Variants in TMEM131L observed in about 807,000 individuals in gnomAD.
The protein encoded by TMEM131L is transmembrane protein 131-like.
TMEM131L carries 54 observed loss-of-function variants against 192.2 expected under a neutral mutation model. The ratio of observed to expected loss-of-function variants is 0.28; its 90% CI spans 0.23 to 0.35. The LOEUF (loss-of-function observed/expected upper bound fraction) is 0.35, where lower values mean the gene tolerates loss of function less well. Ranked by LOEUF, TMEM131L falls within the 10% of genes least tolerant of loss-of-function variation. The pLI is 1.00. For synonymous variants in TMEM131L, 701 were observed against 704.9 expected, an observed-to-expected ratio of 0.99 and a Z score of 0.09; for missense variants, 1,888 against 1,972.9, an observed-to-expected ratio of 0.96 and a Z score of 0.82.
chr4:153,616,367 C>T (rs748202067), intron 26 of TMEM131L, among the ~76,000 whole-genome samples: 11 of 148,662 alleles, frequency 7.4e-5, no homozygotes, highest in South Asian at 2.1e-4. Context: ...GTTCATTTGG[C>T]GAAAATCATT....
rs982059904 is a variant in TMEM131L at position 153,489,803 on chromosome 4, A to G, written c.239+15915A>G. Among the ~76,000 whole-genome samples the G allele has an allele frequency of 2.0e-5, 3 of 151,896 alleles. No homozygotes were observed. The East Asian group carries it at 5.8e-4, about 29-fold the overall frequency. ...ATTTTTTTTTTTTCTTGCGGAAAAT[A>G]AGTGGGCAGATTTAATAATGAGCAA... On this transcript the variant is annotated intron_variant, in intron 3 of 34. Transcript: ENST00000409959.
chr4:153,505,323 G>T (rs1479333646), intron 3 of TMEM131L, among the ~76,000 whole-genome samples: 1 of 151,902 alleles, frequency 6.6e-6, no homozygotes, highest in Non-Finnish European at 1.5e-5. Flanking sequence ...GGCCAGGCTG[G>T]TCTCAAACTC....
Position 153,621,752 on chromosome 4 carries a change from C to A in TMEM131L, c.3762C>A (p.Ile1254=). Residue 1254 remains isoleucine, a synonymous_variant, in exon 28 of 35, where the codon ATC becomes ATA. Coordinates refer to ENST00000409959, the MANE Select transcript of TMEM131L (RefSeq NM_001131007.2). ...DFERSELSSD[I]NVRSWCIQES... ...AGAGGTCTGAGCTGAGCAGTGACAT[C>A]AATGTAAGAAGCTGGTGTATACAGG... is the stretch of plus-strand genomic sequence containing the variant. The A allele has an allele frequency of 1.9e-6, 3 of 1,614,036 alleles. No individual in the cohort carries two copies. The highest frequency in any genetic ancestry group is 2.5e-6 in the Non-Finnish European group (3 of 1,180,008).
At chr4:153,571,812 C>T (rs938034405) in intron 7 of TMEM131L, among the ~76,000 whole-genome samples, 4 of 152,140 alleles carry the variant, frequency 2.6e-5, no homozygotes, top group South Asian at 2.1e-4. Context: ...CCACCTGCCT[C>T]GGTCTACCAA....
intron 7 of TMEM131L, among the ~76,000 whole-genome samples, chr4:153,571,314 C>G (rs1729576821): frequency 1.3e-5 from 2 of 152,158 alleles, no homozygotes; most frequent in South Asian, 4.1e-4. Context: ...TTGATTGAGT[C>G]CTAAATGCCA....
intron 7 of TMEM131L, among the ~76,000 whole-genome samples, chr4:153,560,688 G>A (rs751290257): frequency 2.0e-5 from 3 of 152,090 alleles, no homozygotes; most frequent in Non-Finnish European, 4.4e-5. Context: ...TTTGTGATTG[G>A]CATCTTTCCC....
rs1032562881 is a variant in TMEM131L at position 153,573,078 on chromosome 4, A to G, written c.661-7748A>G. Among the ~76,000 whole-genome samples, 14 of 152,336 alleles carry G rather than the reference A, an allele frequency of 9.2e-5. No individual in the cohort carries two copies. The East Asian group carries it at 1.2e-3, about 13-fold the overall frequency. On this transcript the variant is annotated intron_variant, in intron 7 of 34. Transcript: ENST00000409959. ...AAGGCTGAATAATTTTCTGTTGCAC[A>G]TATATATCATGTTTTGTTTATCCAC...
chr4:153,569,562 A>G (rs1729444679), intron 7 of TMEM131L, among the ~76,000 whole-genome samples: 1 of 152,156 alleles, frequency 6.6e-6, no homozygotes, highest in Non-Finnish European at 1.5e-5. Context: ...AGAAAATATC[A>G]GCCATATAAA....
At position 153,509,762 on chromosome 4, in the gene TMEM131L, G is replaced by A. The variant is rs186877375; in HGVS notation, c.239+35874G>A. On this transcript the variant is annotated intron_variant, in intron 3 of 34. Transcript: ENST00000409959. ...ATTTTAATACTTTCATATTAATTCC[G>A]TGATTCTTAACCCTGACCCACACTT... Among the ~76,000 whole-genome samples, 33 of 152,232 alleles carry A rather than the reference G, an allele frequency of 2.2e-4. No individual in the cohort carries two copies. In the East Asian group the frequency reaches 5.2e-3, roughly 24 times the overall value.
chr4:153,529,754 CT>C (rs1203531623), intron 3 of TMEM131L, among the ~76,000 whole-genome samples: 1 of 152,202 alleles, frequency 6.6e-6, no homozygotes, highest in South Asian at 2.1e-4. Flanking sequence ...AAACACCTCC[CT>C]TTTTCTCCCC....
intron 25 of TMEM131L, among the ~76,000 whole-genome samples, chr4:153,608,226 C>T (rs1426679644): frequency 1.3e-5 from 2 of 152,162 alleles, no homozygotes; most frequent in African/African-American, 4.8e-5. Context: ...AATTAAAATT[C>T]TCAATAGAAA....
At chr4:153,534,337 G>A (rs1214661978) in intron 3 of TMEM131L, among the ~76,000 whole-genome samples, 1 of 152,248 alleles carries the variant, frequency 6.6e-6, no homozygotes, top group Non-Finnish European at 1.5e-5. Context: ...AAAAGAGGAT[G>A]AGGATTGTGG....
intron 25 of TMEM131L, among the ~76,000 whole-genome samples, chr4:153,605,974 GT>G (rs372728432): frequency 0.01 from 1,528 of 152,294 alleles, 28 homozygotes; most frequent in African/African-American, 0.034. Context: ...CCTGGCAGTG[GT>G]GCACACGCCT....
At chr4:153,518,123 T>C (rs1645232441) in intron 3 of TMEM131L, among the ~76,000 whole-genome samples, 1 of 152,134 alleles carries the variant, frequency 6.6e-6, no homozygotes, top group African/African-American at 2.4e-5. Context: ...GGAGTGAACA[T>C]GCCGGGCTTG....
chr4:153,535,178 G>C (rs1479457559), intron 3 of TMEM131L, among the ~76,000 whole-genome samples: 2 of 152,198 alleles, frequency 1.3e-5, no homozygotes, highest in Non-Finnish European at 2.9e-5. Context: ...ATTTCCGATG[G>C]ATGGGATGCG....
chr4:153,617,670 C>T (rs867875547), intron 26 of TMEM131L, among the ~76,000 whole-genome samples: 2 of 152,178 alleles, frequency 1.3e-5, no homozygotes, highest in African/African-American at 4.8e-5. Context: ...TAACCTAGTT[C>T]TGCTTCCACA....
In TMEM131L at chr4:153,555,399, T is replaced by C. The variant is rs999959898; in HGVS notation, c.309-388T>C. On this transcript the variant is annotated intron_variant, in intron 4 of 34. Transcript: ENST00000409959. This position sits in a 1 kb window ranked among gnomAD's most constrained non-coding sequence, Gnocchi z 4.1. ...TTTCAGTGAATTTTCATTCATACTT[T>C]CATTGAATTATTCAACATATTTTCA... Among the ~76,000 whole-genome samples, 2 of 152,220 alleles carry C rather than the reference T, an allele frequency of 1.3e-5. No individual in the cohort carries two copies. Among genetic ancestry groups the C allele is most frequent in the Non-Finnish European group, 2.9e-5 (2 of 68,038 alleles).
chr4:153,591,714 G>A (rs775619023), intron 17 of TMEM131L, among the ~76,000 whole-genome samples: 1 of 152,106 alleles, frequency 6.6e-6, no homozygotes, highest in African/African-American at 2.4e-5. Flanking sequence ...TATACCACAC[G>A]TGACATGAAT....
At chr4:153,626,087 C>T (rs906981991) in intron 29 of TMEM131L, 60 bp from the exon 30 acceptor site, 22 of 1,054,356 alleles carry the variant, frequency 2.1e-5, no homozygotes, top group South Asian at 4.0e-5. Flanking sequence ...ATTTTAATAC[C>T]GAATATACAG....
Sources: allele counts gnomAD v4.1 joint callset (sites outside exome capture counted in the v4.1 genomes callset), GRCh38; gene constraint gnomAD v4.1.1; non-coding constraint Gnocchi (gnomAD v3.1); transcripts MANE v1.5; gene names NCBI Gene and HGNC (gene_info 2026-07-23, HGNC 2026-07-21).